The following CLIP3 variants were observed in gnomAD, a reference collection of about 807,000 sequenced individuals.
CLIP3 encodes the protein CAP-Gly domain containing linker protein 3.
A neutral mutation model predicts 59.4 loss-of-function variants in CLIP3; 15 were observed. The ratio of observed to expected loss-of-function variants is 0.25; its 90% CI spans 0.17 to 0.39. The LOEUF (loss-of-function observed/expected upper bound fraction) is 0.39, where lower values mean the gene tolerates loss of function less well. Ranked by LOEUF, CLIP3 falls within the 10% of genes least tolerant of loss-of-function variation. The pLI, the probability that CLIP3 is intolerant of heterozygous loss-of-function variation, is 1.00. For synonymous variants in CLIP3, 300 were observed against 321.6 expected (o/e 0.93, Z 0.72); for missense variants, 495 against 765.7 (o/e 0.65, Z 4.17).
chr19:36,026,877 C>A lies in CLIP3; in HGVS notation c.400+75G>T. The A allele has an allele frequency of 2.6e-6, 4 of 1,525,828 alleles. No individual in the cohort carries two copies. Among genetic ancestry groups the A allele is most frequent in the South Asian group, 1.3e-5 (1 of 79,086 alleles). The allele number at this position is 1,525,828 out of a possible 1,614,324, so 94.5% of individuals were successfully genotyped here. A position where few individuals can be genotyped will look rare whatever the true frequency, so the allele number is the denominator to read the frequency against. On this transcript the variant is annotated intron_variant, in intron 4 of 13. Coordinates refer to ENST00000360535, the MANE Select transcript of CLIP3 (RefSeq NM_015526.3). The surrounding 1 kb of genome is among the most constrained non-coding windows in gnomAD (Gnocchi z 6.3). ...TCGGGTTCCAGATGGGGCCTGAGTT[C>A]TGGGTGGTTTTCAGCGTGTTGGGTC...
rs922097772 is a variant in CLIP3, at chr19:36,016,871, G to A, written c.1589+36C>T. The A allele has an allele frequency of 6.3e-7, 1 of 1,599,304 alleles. No homozygotes were observed. The highest frequency in any genetic ancestry group is 8.6e-7 in the Non-Finnish European group (1 of 1,168,424). On this transcript the variant is annotated intron_variant, in intron 13 of 13. Transcript: ENST00000360535. This position sits in a 1 kb window ranked among gnomAD's most constrained non-coding sequence, Gnocchi z 4.1. ...GCCTTATGGATCCCTCTCCCTGAAT[G>A]TCACATAGGAGAGGGGACAGGGGTT...
At chr19:36,028,996 CTTTTTTTTTTTTT>C (rs71167588) in intron 2 of CLIP3, among the ~76,000 whole-genome samples, 5 of 65,212 alleles carry the variant, frequency 7.7e-5, no homozygotes, top group African/African-American at 2.6e-4. Context: ...ATCTCCTACT[CTTTTTTTTTTTTT>C]TTTTTTTTTT....
At chr19:36,023,011 C>T (rs1379396227) in intron 7 of CLIP3, among the ~76,000 whole-genome samples, 3 of 152,024 alleles carry the variant, frequency 2.0e-5, no homozygotes, top group Admixed American at 6.6e-5. Context: ...GCTGAGATCG[C>T]GCCACCGCAC....
Position 36,019,156 on chromosome 19 carries a change from C to G in CLIP3, c.1054+15G>C. 5 of 1,613,906 alleles carry G rather than the reference C, an allele frequency of 3.1e-6. No individual in the cohort carries two copies. The highest frequency in any genetic ancestry group is 4.2e-6 in the Non-Finnish European group (5 of 1,180,010). ...CACCCAGCCACACCCCTCTTGGGCC[C>G]GAGGTCGGACTAACCCTGCTTGGGA... On this transcript the variant is annotated intron_variant, in intron 8 of 13. Coordinates refer to ENST00000360535, the MANE Select transcript of CLIP3 (RefSeq NM_015526.3).
In CLIP3 at chr19:36,017,469, G is replaced by T. The variant is rs754373539; in HGVS notation, c.1452-19C>A. ...GCCAATCCTGAGGAGACACGGGGAG[G>T]GGGAGAAGTCAGAGCCACAAAAGGC... On this transcript the variant is annotated intron_variant, in intron 11 of 13. Transcript: ENST00000360535. 6.2e-7 allele frequency: 1 copy of T among 1,613,980 alleles called. No individual in the cohort carries two copies.
chr19:36,018,566 G>A (rs1372513497), intron 9 of CLIP3, among the ~76,000 whole-genome samples: 4 of 149,116 alleles, frequency 2.7e-5, no homozygotes, highest in African/African-American at 9.9e-5. Flanking sequence ...TGGGCAACAA[G>A]GCGAGACTCT....
chr19:36,032,321 G>T lies in CLIP3; in HGVS notation c.37C>A (p.Pro13Thr). Residue 13 changes from proline (P) to threonine (T), a missense_variant, in exon 2 of 14, where the codon CCC becomes ACC. Physicochemically the swap from Pro to Thr is conservative, Grantham distance 38. Around this residue, in one of 5 missense-constraint regions of CLIP3, gnomAD observed 90 missense variants for 105.2 expected, o/e 0.86. Transcript: ENST00000360535. The surrounding 1 kb of genome is among the most constrained non-coding windows in gnomAD (Gnocchi z 4.3). ...TCCTCTTCTTCCTCCTCTCCTCGGG[G>T]TGGCGGGGCCATCGGGGCAGGATCT... ...KTDPAPMAPP[P>T]RGEEEEEEEE... The T allele has an allele frequency of 2.3e-6, 3 of 1,276,708 alleles. No individual in the cohort carries two copies. Among genetic ancestry groups the T allele is most frequent in the South Asian group, 3.1e-5 (1 of 32,390 alleles). 79.1% of individuals were successfully genotyped at this position (1,276,708 alleles called of 1,614,324 possible). A position where few individuals can be genotyped will look rare whatever the true frequency, so the allele number is the denominator to read the frequency against.
At chr19:36,020,400 C>T (rs1968923003) in intron 7 of CLIP3, among the ~76,000 whole-genome samples, 1 of 151,950 alleles carries the variant, frequency 6.6e-6, no homozygotes, top group Non-Finnish European at 1.5e-5. Context: ...GTCAGGAGTT[C>T]AAGACCAGCC....
chr19:36,029,756 A>T (rs1362966001), intron 2 of CLIP3, among the ~76,000 whole-genome samples: 1 of 152,160 alleles, frequency 6.6e-6, no homozygotes, highest in Non-Finnish European at 1.5e-5. Context: ...CACATGGCAC[A>T]CAGTAGGTGC....
Position 36,032,052 on chromosome 19 carries a change from G to T in CLIP3, c.166+140C>A. On this transcript the variant is annotated intron_variant, in intron 2 of 13. Transcript: ENST00000360535. This position sits in a 1 kb window ranked among gnomAD's most constrained non-coding sequence, Gnocchi z 4.3. ...TGGGTGAATGAATGAATTAACGAGG[G>T]GTGCTCTGCAGCCAAGATTCCTCTG... 1 of 429,938 alleles carries T rather than the reference G, an allele frequency of 2.3e-6. No homozygotes were observed. Among genetic ancestry groups the T allele is most frequent in the Non-Finnish European group, 4.1e-6 (1 of 243,016 alleles). The allele number at this position is 429,938 out of a possible 1,614,324, so 26.6% of individuals were successfully genotyped here.
Position 36,019,256 on chromosome 19 carries a change from C to T in CLIP3, c.969G>A (p.Trp323Ter). 6.2e-7 allele frequency: 1 copy of T among 1,613,876 alleles called. No individual in the cohort carries two copies. Among genetic ancestry groups the T allele is most frequent in the South Asian group, 1.1e-5 (1 of 91,084 alleles). Residue 323 changes from tryptophan (W) to a stop codon, truncating the protein, a stop_gained, in exon 8 of 14, where the codon TGG becomes TGA. Transcript: ENST00000360535. LOFTEE classifies it high-confidence loss of function. ...CAGGTTCGTCCAGCTCCACGCCCAC[C>T]CACTGGCCGCTGGCAAACTCCGTGG... ...CGTTEFASGQ[W>*]VGVELDEPEG...
Position 36,015,202 on chromosome 19 carries a change from G to A in CLIP3, c.*956C>T, listed in dbSNP as rs1179940828. 1.3e-5 allele frequency: 2 copies of A among 152,188 alleles called. No individual in the cohort carries two copies. The highest frequency in any genetic ancestry group is 1.9e-4 in the East Asian group (1 of 5,194). 9.4% of individuals were successfully genotyped at this position (152,188 alleles called of 1,614,324 possible). On this transcript the variant is annotated 3_prime_UTR_variant, in exon 14 of 14. Transcript: ENST00000360535. ...AAATTTGGGATTCCCTGGGGATTTG[G>A]GATTCCATGATTTGGGGGTCCTAGG...
At chr19:36,025,484 G>A (rs925866645) in intron 6 of CLIP3, among the ~76,000 whole-genome samples, 7 of 151,890 alleles carry the variant, frequency 4.6e-5, no homozygotes, top group South Asian at 2.1e-4. Context: ...CTACCTACTC[G>A]GGAGGCTGAG....
rs760849042 is a variant in CLIP3, at chr19:36,026,580, C to T, written c.562+6G>A. ...GCCCCCTCCCAGCCAGGGCTCTCCT[C>T]CTCACCTCGCGGCCTCGCACCCTTC... On this transcript the variant is annotated splice_donor_region_variant and intron_variant, in intron 5 of 13. Coordinates refer to ENST00000360535, the MANE Select transcript of CLIP3 (RefSeq NM_015526.3). This position sits in a 1 kb window ranked among gnomAD's most constrained non-coding sequence, Gnocchi z 6.3. 1.9e-6 allele frequency: 3 copies of T among 1,613,302 alleles called. No individual in the cohort carries two copies. The highest frequency in any genetic ancestry group is 1.7e-5 in the Admixed American group (1 of 59,998).
intron 2 of CLIP3, among the ~76,000 whole-genome samples, chr19:36,028,464 G>C (rs1272439406): frequency 1.3e-5 from 2 of 152,226 alleles, no homozygotes; most frequent in Non-Finnish European, 2.9e-5. Context: ...CGACTCTAAG[G>C]AGTACTGCTC....
chr19:36,028,007 G>T (rs1192326477), intron 2 of CLIP3, among the ~76,000 whole-genome samples: 1 of 152,190 alleles, frequency 6.6e-6, no homozygotes, highest in African/African-American at 2.4e-5. Flanking sequence ...GCCAGCCTGG[G>T]CAACAGAGCA....
chr19:36,016,231 G>A lies in CLIP3; in HGVS notation c.1590-19C>T, dbSNP rs779596862. The A allele has an allele frequency of 1.2e-6, 2 of 1,614,048 alleles. No individual in the cohort carries two copies. Among genetic ancestry groups the A allele is most frequent in the Admixed American group, 1.7e-5 (1 of 60,020 alleles). Reference sequence around the variant, plus strand: ...CAGCAACCTGGAAAGGAGGATGACAGGGTCACGCCCTTAGGCAGGCAGCGG... The same window carrying A: ...CAGCAACCTGGAAAGGAGGATGACAAGGTCACGCCCTTAGGCAGGCAGCGG... On this transcript the variant is annotated intron_variant, in intron 13 of 13. Coordinates refer to ENST00000360535, the MANE Select transcript of CLIP3 (RefSeq NM_015526.3). This position sits in a 1 kb window ranked among gnomAD's most constrained non-coding sequence, Gnocchi z 4.1.
chr19:36,030,529 AT>A (rs1910194943), intron 2 of CLIP3, among the ~76,000 whole-genome samples: 1 of 152,000 alleles, frequency 6.6e-6, no homozygotes, highest in Non-Finnish European at 1.5e-5. Flanking sequence ...TATCTTCCAA[AT>A]TCCCCTCCTA....
At chr19:36,029,544 C>T (rs1010976684) in intron 2 of CLIP3, among the ~76,000 whole-genome samples, 27 of 151,802 alleles carry the variant, frequency 1.8e-4, no homozygotes, top group African/African-American at 6.5e-4. Flanking sequence ...TTTGGCTTCC[C>T]AAAGCACTGA....
Sources: allele counts gnomAD v4.1 joint callset (sites outside exome capture counted in the v4.1 genomes callset), GRCh38; gene constraint gnomAD v4.1.1; regional missense constraint gnomAD v4.1.1; non-coding constraint Gnocchi (gnomAD v3.1); transcripts MANE v1.5; gene names NCBI Gene and HGNC (gene_info 2026-07-23, HGNC 2026-07-21).